Variants in HEATR5B observed in about 807,000 individuals in gnomAD.
The protein encoded by HEATR5B is HEAT repeat-containing protein 5B.
In HEATR5B, 156 loss-of-function variants were observed where a neutral mutation model predicts 224.1. The ratio of observed to expected loss-of-function variants is 0.70; its 90% CI spans 0.61 to 0.80. The LOEUF (loss-of-function observed/expected upper bound fraction) is 0.80, where lower values mean the gene tolerates loss of function less well. HEATR5B is among the 30% of genes least tolerant of loss of function. The pLI is 0.00. For synonymous variants in HEATR5B, 1,027 were observed against 893.0 expected (o/e 1.15, Z -2.68); for missense variants, 2,323 against 2,535.5 (o/e 0.92, Z 1.80).
chr2:36,992,986 A>G (rs1666438391), intron 33 of HEATR5B, among the ~76,000 whole-genome samples: 1 of 152,228 alleles, frequency 6.6e-6, no homozygotes, highest in South Asian at 2.1e-4. Flanking sequence ...TGGCCTCCCA[A>G]AGTGCTGGGA....
In HEATR5B at chr2:37,068,280, T is replaced by C. The variant is rs541130622; in HGVS notation, c.1177+401A>G. ...GCGGGCTAATAACCATCTGTAATTG[T>C]TCCTCTCTAAGTTTTCATATTAAGC... On this transcript the variant is annotated intron_variant, in intron 8 of 35. Transcript: ENST00000233099. 4.6e-5 allele frequency among the ~76,000 whole-genome samples: 7 copies of C among 152,318 alleles called. No individual in the cohort carries two copies. In the South Asian group the frequency reaches 1.0e-3, roughly 23 times the overall value.
intron 29 of HEATR5B, among the ~76,000 whole-genome samples, chr2:37,006,425 T>G (rs897652654): frequency 5.9e-5 from 9 of 152,212 alleles, no homozygotes; most frequent in African/African-American, 1.9e-4. Context: ...GTGGATCACC[T>G]GAGGTCAGGA....
Position 37,075,605 on chromosome 2 carries a change from A to T in HEATR5B, c.477T>A (p.Ser159Arg). The T allele has an allele frequency of 6.2e-7, 1 of 1,613,488 alleles. No homozygotes were observed. Among genetic ancestry groups the T allele is most frequent in the Non-Finnish European group, 8.5e-7 (1 of 1,179,640 alleles). ...ESQGRSEILMSLQKVLSGLGG... is the reference protein window; with the variant it reads ...ESQGRSEILMRLQKVLSGLGG... ...CCAGTCCACTTAGAACTTTCTGTAG[A>T]CTCATTAAGATTTCACTTCGCCCTT... Residue 159 changes from serine to arginine, a missense_variant, in exon 5 of 36, where the codon AGT (serine) becomes AGA (arginine). This residue lies in a region of HEATR5B where 292 missense variants were observed against 332.6 expected (regional missense o/e 0.88). Coordinates refer to ENST00000233099, the MANE Select transcript of HEATR5B (RefSeq NM_019024.3).
At chr2:37,004,383 T>C (rs1273926915) in intron 30 of HEATR5B, among the ~76,000 whole-genome samples, 2 of 150,502 alleles carry the variant, frequency 1.3e-5, no homozygotes, top group Non-Finnish European at 3.0e-5. Context: ...CTTCTCTCTC[T>C]AGTTAGGCTA....
chr2:36,988,066 T>C (rs1047396342), intron 35 of HEATR5B, among the ~76,000 whole-genome samples: 1 of 150,488 alleles, frequency 6.6e-6, no homozygotes, highest in Non-Finnish European at 1.5e-5. Context: ...AGCGAGACTG[T>C]CTAAAAAAAA....
chr2:37,045,017 C>G (rs1462787388), intron 18 of HEATR5B, among the ~76,000 whole-genome samples: 1 of 152,136 alleles, frequency 6.6e-6, no homozygotes, highest in Non-Finnish European at 1.5e-5. Context: ...TCTGTAAATC[C>G]TATCCAGTGC....
At chr2:36,984,028 A>C (rs1478897041) in intron 35 of HEATR5B, among the ~76,000 whole-genome samples, 5 of 148,972 alleles carry the variant, frequency 3.4e-5, no homozygotes, top group African/African-American at 9.9e-5. Flanking sequence ...GTGAAACCCT[A>C]TCTCTACTAA....
chr2:37,082,461 C>T (rs1003062988), intron 2 of HEATR5B, among the ~76,000 whole-genome samples: 6 of 152,120 alleles, frequency 3.9e-5, no homozygotes, highest in Non-Finnish European at 7.4e-5. Context: ...GGCTCCAAAA[C>T]TGGCCATAAA....
chr2:37,032,798 G>A (rs202191912), intron 21 of HEATR5B, 25 bp from the exon 22 acceptor site: 6 of 1,599,660 alleles, frequency 3.8e-6, no homozygotes, highest in African/African-American at 1.3e-5. Flanking sequence ...AATGTTAGGC[G>A]ATTTCTCTTT....
intron 15 of HEATR5B, 54 bp downstream of exon 15, chr2:37,057,263 T>C (rs1670970225): frequency 7.4e-7 from 1 of 1,352,306 alleles, no homozygotes; most frequent in Non-Finnish European, 1.0e-6. Flanking sequence ...CAATGTGTAA[T>C]AGGACCATTG....
At chr2:37,052,187 A>C (rs544897736) in intron 17 of HEATR5B, among the ~76,000 whole-genome samples, 1 of 151,140 alleles carries the variant, frequency 6.6e-6, no homozygotes, top group East Asian at 1.9e-4. Context: ...ACTGAATAAT[A>C]TAAAAAGTAT....
At chr2:37,054,643 C>G (rs1326520304) in intron 16 of HEATR5B, among the ~76,000 whole-genome samples, 1 of 151,584 alleles carries the variant, frequency 6.6e-6, no homozygotes, top group Non-Finnish European at 1.5e-5. Context: ...CGCCACTACA[C>G]CCAGCTAATT....
intron 12 of HEATR5B, among the ~76,000 whole-genome samples, chr2:37,060,220 T>C (rs1414653738): frequency 2.6e-5 from 4 of 152,232 alleles, no homozygotes; most frequent in Non-Finnish European, 5.9e-5. Flanking sequence ...GCCAATAACT[T>C]TGGTAATCCT....
intron 35 of HEATR5B, among the ~76,000 whole-genome samples, chr2:36,986,920 T>G (rs115578732): frequency 6.6e-6 from 1 of 151,994 alleles, no homozygotes; most frequent in Non-Finnish European, 1.5e-5. Flanking sequence ...TGCAGCTAAT[T>G]TTTTGTATTT....
intron 12 of HEATR5B, 24 bp downstream of exon 12, chr2:37,060,557 A>C: frequency 6.4e-7 from 1 of 1,571,102 alleles, no homozygotes. Context: ...TAATATTGTG[A>C]AGCACAATCC....
rs971430917 is a variant in HEATR5B at position 37,064,646 on chromosome 2, T to C, written c.1584+94A>G. The C allele has an allele frequency of 2.5e-5, 32 of 1,275,318 alleles. No individual in the cohort carries two copies. In the African/African-American group the frequency reaches 4.1e-4, roughly 16 times the overall value. The allele number at this position is 1,275,318 out of a possible 1,614,324, so 79.0% of individuals were successfully genotyped here. ...TTATGATAACATAGTACAACTGTTA[T>C]TTGACCACCCTGTTCAACACTAAAC... is the stretch of plus-strand genomic sequence containing the variant. On this transcript the variant is annotated intron_variant, in intron 10 of 35. Transcript: ENST00000233099.
chr2:37,078,061 A>G (rs13398187), intron 3 of HEATR5B, among the ~76,000 whole-genome samples: 9,448 of 152,326 alleles, frequency 0.062, 342 homozygotes, highest in Non-Finnish European at 0.086. Flanking sequence ...TTTGGAGTCT[A>G]GCAGACCTGT....
rs1192136713 is a variant in HEATR5B, at chr2:36,995,996, C to T, written c.5545+4590G>A. Among the ~76,000 whole-genome samples the T allele has an allele frequency of 2.0e-5, 3 of 152,168 alleles. No homozygotes were observed. The East Asian group carries it at 5.8e-4, about 29-fold the overall frequency. On this transcript the variant is annotated intron_variant, in intron 33 of 35. Coordinates refer to ENST00000233099, the MANE Select transcript of HEATR5B (RefSeq NM_019024.3). ...TGCCTCCTGGGCTCAAGTGATCCTC[C>T]CACCTCAGCCTTCTGAGTAGCTGGG...
chr2:37,032,441 T>G (rs1669190978), intron 22 of HEATR5B, among the ~76,000 whole-genome samples, 188 bp downstream of exon 22: 1 of 152,116 alleles, frequency 6.6e-6, no homozygotes, highest in Non-Finnish European at 1.5e-5. Flanking sequence ...TGCAAAAATT[T>G]TTAAAAAGCA....
Sources: gnomAD v4.1 joint callset for allele counts (sites outside exome capture counted in the v4.1 genomes callset) on GRCh38, gnomAD v4.1.1 for gene constraint, gnomAD v4.1.1 regional missense constraint, MANE v1.5 for transcripts, NCBI Gene and HGNC (gene_info 2026-07-23, HGNC 2026-07-21) for gene names.